The following PDE7A variants were observed in gnomAD, a reference collection of about 807,000 sequenced individuals.
PDE7A encodes phosphodiesterase 7A, also known as high affinity 3',5'-cyclic-AMP phosphodiesterase 7A.
PDE7A carries 39 observed loss-of-function variants against 64.3 expected under a neutral mutation model. That is an observed-to-expected ratio of 0.61 (90% CI 0.47 to 0.79). The LOEUF (loss-of-function observed/expected upper bound fraction) is 0.79, where lower values mean the gene tolerates loss of function less well. Ranked by LOEUF, PDE7A falls within the 30% of genes least tolerant of loss-of-function variation. The probability of loss-of-function intolerance (pLI) is 0.00; values close to 1 mark genes in which losing one functional copy is unlikely to be tolerated. For missense variants in PDE7A, 470 were observed against 582.8 expected, an observed-to-expected ratio of 0.81 and a Z score of 1.99; for synonymous variants, 203 against 206.8, an observed-to-expected ratio of 0.98 and a Z score of 0.16.
chr8:65,793,653 T>C (rs1228963093), intron 1 of PDE7A, among the ~76,000 whole-genome samples: 1 of 152,208 alleles, frequency 6.6e-6, no homozygotes, highest in Non-Finnish European at 1.5e-5. Context: ...CTGCAGATGA[T>C]GCATGATTAC....
At chr8:65,795,196 C>T (rs1809806603) in intron 1 of PDE7A, among the ~76,000 whole-genome samples, 1 of 152,216 alleles carries the variant, frequency 6.6e-6, no homozygotes, top group Non-Finnish European at 1.5e-5. Flanking sequence ...ACAGCAAGTA[C>T]TGCAGGACTT....
At chr8:65,841,200 G>A (rs1355447494) in intron 1 of PDE7A, among the ~76,000 whole-genome samples, 171 bp downstream of exon 1, 1 of 152,174 alleles carries the variant, frequency 6.6e-6, no homozygotes. Flanking sequence ...GAACTGAGGG[G>A]GGACAGCCAG....
At chr8:65,771,162 A>G in intron 3 of PDE7A, 1 of 193,740 alleles carries the variant, frequency 5.2e-6, no homozygotes, top group Middle Eastern at 7.9e-4. Context: ...TTAACTGGTC[A>G]GGTATCTTAG....
intron 1 of PDE7A, among the ~76,000 whole-genome samples, chr8:65,783,167 T>C (rs546845708): frequency 6.6e-6 from 1 of 152,310 alleles, no homozygotes; most frequent in South Asian, 2.1e-4. Context: ...AAGGGATCGA[T>C]AGGAGTTGCC....
chr8:65,788,005 T>C (rs1022397085), intron 1 of PDE7A, among the ~76,000 whole-genome samples: 1 of 152,188 alleles, frequency 6.6e-6, no homozygotes, highest in African/African-American at 2.4e-5. Context: ...TCATATTCAC[T>C]AAGAAAAGAA....
intron 4 of PDE7A, among the ~76,000 whole-genome samples, chr8:65,746,056 G>A (rs948621156): frequency 2.0e-5 from 3 of 151,712 alleles, no homozygotes; most frequent in Non-Finnish European, 2.9e-5. Context: ...TCAGCCTCCC[G>A]AGAAGCTGGG....
chr8:65,740,897 C>T (rs974957607), intron 5 of PDE7A, among the ~76,000 whole-genome samples: 4 of 152,120 alleles, frequency 2.6e-5, no homozygotes, highest in Non-Finnish European at 5.9e-5. Flanking sequence ...CTCTCCTGGC[C>T]CCCTCCAGTT....
chr8:65,719,929 C>T (rs77950482), intron 12 of PDE7A, among the ~76,000 whole-genome samples: 2,398 of 152,304 alleles, frequency 0.016, 65 homozygotes, highest in African/African-American at 0.055. Context: ...GTGGAGCTGG[C>T]AGTAGTCTAC....
chr8:65,799,383 G>A (rs1003106355), intron 1 of PDE7A, among the ~76,000 whole-genome samples: 1 of 152,092 alleles, frequency 6.6e-6, no homozygotes, highest in Admixed American at 6.6e-5. Context: ...ATAATAGGGA[G>A]TCTGAATTGC....
At chr8:65,754,414 T>G (rs1251661016) in intron 3 of PDE7A, among the ~76,000 whole-genome samples, 1 of 151,918 alleles carries the variant, frequency 6.6e-6, no homozygotes, top group Non-Finnish European at 1.5e-5. Flanking sequence ...TTTCCCATTC[T>G]TTTACTTTCA....
intron 1 of PDE7A, among the ~76,000 whole-genome samples, chr8:65,817,266 AAT>A (rs757187746): frequency 3.9e-5 from 6 of 152,244 alleles, no homozygotes; most frequent in Non-Finnish European, 5.9e-5. Flanking sequence ...AATGCTAATT[AAT>A]ATCTTACATA....
intron 4 of PDE7A, among the ~76,000 whole-genome samples, chr8:65,745,763 T>C (rs533489716): frequency 4.4e-4 from 67 of 152,336 alleles, no homozygotes; most frequent in Non-Finnish European, 8.8e-4. Context: ...AATTCTAGTA[T>C]CACTTAACAT....
intron 3 of PDE7A, among the ~76,000 whole-genome samples, chr8:65,752,112 C>G (rs962192991): frequency 9.2e-5 from 14 of 152,172 alleles, no homozygotes; most frequent in Admixed American, 6.5e-5. Context: ...AGATATCATC[C>G]TCTAATTTTC....
At position 65,822,399 on chromosome 8, in the gene PDE7A, G is replaced by A. The variant is rs547348389; in HGVS notation, c.138+18972C>T. Among the ~76,000 whole-genome samples the A allele has an allele frequency of 3.3e-5, 5 of 152,310 alleles. No individual in the cohort carries two copies. In the East Asian group the frequency reaches 9.6e-4, roughly 29 times the overall value. On this transcript the variant is annotated intron_variant, in intron 1 of 12. Transcript: ENST00000401827. ...GAGAAAGGGATGGCATTGTGGGAAG[G>A]AGAAAAAGGAGGAAGTGTGGGTAGA...
At position 65,830,017 on chromosome 8, in the gene PDE7A, G is replaced by A. The variant is rs73693436; in HGVS notation, c.138+11354C>T. Among the ~76,000 whole-genome samples, 1,169 of 152,076 alleles carry A rather than the reference G, an allele frequency of 7.7e-3. 9 individuals are homozygous for A. Among genetic ancestry groups the A allele is most frequent in the African/African-American group, 0.025 (1,057 of 41,500 alleles). On this transcript the variant is annotated intron_variant, in intron 1 of 12. Coordinates refer to ENST00000401827, the MANE Select transcript of PDE7A (RefSeq NM_001242318.3). ...CTGTACAGTTTTCTAGAACCATTGT[G>A]TTGACACAGCATGTCTGTTTTCCTT... is the stretch of plus-strand genomic sequence containing the variant.
At chr8:65,812,878 T>C (rs1331043065) in intron 1 of PDE7A, among the ~76,000 whole-genome samples, 1 of 152,162 alleles carries the variant, frequency 6.6e-6, no homozygotes, top group East Asian at 1.9e-4. Context: ...AGTAAGGGTA[T>C]GGAGATAACG....
At chr8:65,830,739 A>G (rs529919361) in intron 1 of PDE7A, among the ~76,000 whole-genome samples, 1 of 152,242 alleles carries the variant, frequency 6.6e-6, no homozygotes, top group South Asian at 2.1e-4. Context: ...CAATTTTCGT[A>G]TTTTTGTATT....
chr8:65,822,570 C>T lies in PDE7A; in HGVS notation c.138+18801G>A, dbSNP rs113107728. On this transcript the variant is annotated intron_variant, in intron 1 of 12. Coordinates refer to ENST00000401827, the MANE Select transcript of PDE7A (RefSeq NM_001242318.3). ...AAACAGTATCCACTCTTAAGAAGCACATATTCTAACCAAACATACTGAAGT... is the reference window on the plus strand; with the variant it reads ...AAACAGTATCCACTCTTAAGAAGCATATATTCTAACCAAACATACTGAAGT... Among the ~76,000 whole-genome samples the T allele has an allele frequency of 1.4e-3, 217 of 152,324 alleles. 1 individual carries two copies. The highest frequency in any genetic ancestry group is 2.7e-3 in the Non-Finnish European group (186 of 68,028).
At chr8:65,837,964 C>T (rs1055184048) in intron 1 of PDE7A, among the ~76,000 whole-genome samples, 7 of 150,700 alleles carry the variant, frequency 4.6e-5, no homozygotes, top group African/African-American at 1.5e-4. Context: ...ATTTTCTCAA[C>T]GCATAACACA....
Sources: allele counts gnomAD v4.1 joint callset (sites outside exome capture counted in the v4.1 genomes callset), GRCh38; gene constraint gnomAD v4.1.1; transcripts MANE v1.5; gene names NCBI Gene and HGNC (gene_info 2026-07-23, HGNC 2026-07-21).